DCAF1: variants seen among roughly 807,000 people sequenced by gnomAD.
DCAF1 encodes DDB1 and CUL4 associated factor 1.
Under a neutral mutation model 128.0 loss-of-function variants are expected in DCAF1, and 15 were observed. The ratio of observed to expected loss-of-function variants is 0.12; its 90% CI spans 0.08 to 0.18. The LOEUF is 0.18. Ranked by LOEUF, DCAF1 falls within the 10% of genes least tolerant of loss-of-function variation. The pLI, the probability that DCAF1 is intolerant of heterozygous loss-of-function variation, is 1.00. For synonymous variants in DCAF1, 610 were observed against 603.0 expected (o/e 1.01, Z -0.17); for missense variants, 988 against 1,649.5 (o/e 0.60, Z 6.95).
chr3:51,454,663 C>T (rs558004442), intron 6 of DCAF1, among the ~76,000 whole-genome samples: 6 of 150,588 alleles, frequency 4.0e-5, no homozygotes, highest in African/African-American at 1.5e-4. Context: ...ACGCCCAGCC[C>T]CTAATTTTTG....
chr3:51,429,340 G>A lies in DCAF1; in HGVS notation c.1598C>T (p.Ala533Val), dbSNP rs782130128. Residue 533 changes from alanine (A) to valine (V), a missense_variant, in exon 12 of 25, where the codon GCC becomes GTC. Ala to Val is a moderately conservative substitution (Grantham distance 64). Around this residue, in one of 11 missense-constraint regions of DCAF1, gnomAD observed 185 missense variants for 248.1 expected, o/e 0.75. Transcript: ENST00000684031. ...ALRKYFEAHL[A>V]IKLEQVKQSL... is the part of the protein sequence containing the mutation. Reference sequence around the variant, plus strand: ...CTGCTTCACTTGTTCCAATTTAATGGCCAGGTGAGCCTCAAAGTATTTGCG... The same window carrying A: ...CTGCTTCACTTGTTCCAATTTAATGACCAGGTGAGCCTCAAAGTATTTGCG... 1.4e-5 allele frequency: 11 copies of A among 780,644 alleles called. No individual in the cohort carries two copies. Among genetic ancestry groups the A allele is most frequent in the Non-Finnish European group, 2.2e-5 (9 of 417,978 alleles). The allele number at this position is 780,644 out of a possible 1,614,324, so 48.4% of individuals were successfully genotyped here.
At chr3:51,483,892 T>C in intron 2 of DCAF1, 56 bp from the exon 3 acceptor site, 1 of 1,255,366 alleles carries the variant, frequency 8.0e-7, no homozygotes, top group Middle Eastern at 1.9e-4. Context: ...CACAAGCAAA[T>C]AAAAGTGAAG....
chr3:51,406,770 G>C (rs1482724657), intron 23 of DCAF1, among the ~76,000 whole-genome samples: 1 of 152,172 alleles, frequency 6.6e-6, no homozygotes, highest in African/African-American at 2.4e-5. Flanking sequence ...CTGAGACCCT[G>C]TTACCACAGA....
chr3:51,451,721 C>T (rs560161044), intron 6 of DCAF1, among the ~76,000 whole-genome samples: 44 of 146,682 alleles, frequency 3.0e-4, no homozygotes, highest in Non-Finnish European at 5.5e-4. Context: ...GAGATCATGC[C>T]GTTGCACTCC....
intron 22 of DCAF1, 59 bp downstream of exon 22, chr3:51,412,934 C>T: frequency 1.3e-6 from 2 of 1,599,078 alleles, no homozygotes; most frequent in Non-Finnish European, 1.7e-6. Flanking sequence ...TGTAGTACAA[C>T]TTGAAAATTA....
intron 24 of DCAF1, among the ~76,000 whole-genome samples, chr3:51,399,062 C>T (rs2089444891): frequency 6.6e-6 from 1 of 152,246 alleles, no homozygotes; most frequent in African/African-American, 2.4e-5. Context: ...GGACACAGTT[C>T]CCCTGCTTCC....
At chr3:51,500,930 C>T (rs1241408679), upstream of DCAF1, among the ~76,000 whole-genome samples, 2 of 151,824 alleles carry the variant, frequency 1.3e-5, no homozygotes, top group African/African-American at 4.8e-5. Flanking sequence ...ATCTTCTCAC[C>T]TCAGCCTCCC....
At chr3:51,468,228 G>A (rs1704347169) in intron 4 of DCAF1, among the ~76,000 whole-genome samples, 1 of 152,204 alleles carries the variant, frequency 6.6e-6, no homozygotes, top group Admixed American at 6.5e-5. Context: ...CTGGAGTACA[G>A]TGGCTCAATC....
chr3:51,473,041 C>A (rs1180924019), intron 3 of DCAF1, among the ~76,000 whole-genome samples: 3 of 150,454 alleles, frequency 2.0e-5, no homozygotes, highest in African/African-American at 7.3e-5. Flanking sequence ...CTTTGGGAAG[C>A]CAAGGTGGGC....
At position 51,448,056 on chromosome 3, in the gene DCAF1, C is replaced by A. The variant is rs1235592256; in HGVS notation, c.376-4153G>T. On this transcript the variant is annotated intron_variant, in intron 6 of 24. Transcript: ENST00000684031. The stretch of plus-strand genomic sequence containing the variant: ...AAAGTTTGCTCTGTTTGATTATTTG[C>A]AGGAATGTTTTTTTACTCTAGTTGC... Among the ~76,000 whole-genome samples, 3 of 152,090 alleles carry A rather than the reference C, an allele frequency of 2.0e-5. No individual in the cohort carries two copies. In the East Asian group the frequency reaches 5.8e-4, roughly 29 times the overall value.
chr3:51,497,502 G>A (rs1451820639), intron 1 of DCAF1, among the ~76,000 whole-genome samples: 5 of 151,930 alleles, frequency 3.3e-5, no homozygotes, highest in African/African-American at 7.3e-5. Flanking sequence ...CAGGAGAATC[G>A]CTTGAACCCG....
chr3:51,493,171 T>C (rs1223681111), intron 2 of DCAF1, among the ~76,000 whole-genome samples: 1 of 148,996 alleles, frequency 6.7e-6, no homozygotes, highest in African/African-American at 2.5e-5. Flanking sequence ...CAAGGCTGGG[T>C]GTGGTGGCTC....
At chr3:51,470,225 G>A (rs1553648001) in intron 4 of DCAF1, among the ~76,000 whole-genome samples, 3 of 152,014 alleles carry the variant, frequency 2.0e-5, no homozygotes, top group Non-Finnish European at 4.4e-5. Flanking sequence ...ATTATTATTA[G>A]AAAGATGAAG....
intron 9 of DCAF1, among the ~76,000 whole-genome samples, chr3:51,438,978 G>A (rs1701107027): frequency 6.6e-6 from 1 of 152,160 alleles, no homozygotes; most frequent in Middle Eastern, 3.2e-3. Flanking sequence ...TACCTATTGA[G>A]GAGAACTGTA....
At chr3:51,443,454 G>C (rs1040862443) in intron 7 of DCAF1, among the ~76,000 whole-genome samples, 91 of 152,148 alleles carry the variant, frequency 6.0e-4, no homozygotes, top group African/African-American at 2.1e-3. Context: ...GCTGGGCATA[G>C]TAGTGGGAAC....
At chr3:51,468,386 G>T (rs542633712) in intron 4 of DCAF1, among the ~76,000 whole-genome samples, 63 of 152,200 alleles carry the variant, frequency 4.1e-4, no homozygotes, top group Middle Eastern at 3.4e-3. Flanking sequence ...TGGCCAAGCT[G>T]GTCTCGAACT....
intron 1 of DCAF1, among the ~76,000 whole-genome samples, chr3:51,497,231 G>A (rs1359252640): frequency 3.9e-5 from 6 of 152,056 alleles, no homozygotes; most frequent in Admixed American, 3.3e-4. Context: ...GGAGGCAGAG[G>A]TTACAGTGGG....
chr3:51,463,779 C>CA (rs201637111), intron 5 of DCAF1, among the ~76,000 whole-genome samples: 7 of 151,108 alleles, frequency 4.6e-5, no homozygotes, highest in Admixed American at 2.0e-4. Context: ...ACCCTGTCTC[C>CA]AAAAAAACAA....
chr3:51,411,761 G>C (rs1698436936), intron 23 of DCAF1, among the ~76,000 whole-genome samples: 1 of 152,030 alleles, frequency 6.6e-6, no homozygotes. Flanking sequence ...TATTGACATT[G>C]GGAGATGCTT....
Sources: gnomAD v4.1 joint callset for allele counts (sites outside exome capture counted in the v4.1 genomes callset) on GRCh38, gnomAD v4.1.1 for gene constraint, gnomAD v4.1.1 regional missense constraint, MANE v1.5 for transcripts, NCBI Gene and HGNC (gene_info 2026-07-23, HGNC 2026-07-21) for gene names.